ZSCAN5A: variants seen among roughly 807,000 people sequenced by gnomAD.
The protein encoded by ZSCAN5A is zinc finger and SCAN domain-containing protein 5A.
Under a neutral mutation model 23.7 loss-of-function variants are expected in ZSCAN5A, and 12 were observed. The ratio of observed to expected loss-of-function variants is 0.51; its 90% CI spans 0.32 to 0.82. ZSCAN5A has a LOEUF of 0.82. Ranked by LOEUF, ZSCAN5A falls within the 40% of genes least tolerant of loss-of-function variation. The pLI, the probability that ZSCAN5A is intolerant of heterozygous loss-of-function variation, is 0.03. For missense variants in ZSCAN5A, 597 were observed against 617.9 expected, an observed-to-expected ratio of 0.97 and a Z score of 0.36; for synonymous variants, 257 against 239.9, an observed-to-expected ratio of 1.07 and a Z score of -0.66.
At chr19:56,328,730 G>T (rs868683144) in intron 2 of ZSCAN5A, among the ~76,000 whole-genome samples, 92 of 143,036 alleles carry the variant, frequency 6.4e-4, no homozygotes, top group African/African-American at 2.2e-3. Context: ...GGCCAGGCGC[G>T]GTGGCTCATG....
At chr19:56,348,399 T>G (rs536610331) in intron 2 of ZSCAN5A, among the ~76,000 whole-genome samples, 27 of 152,268 alleles carry the variant, frequency 1.8e-4, no homozygotes, top group African/African-American at 6.3e-4. Context: ...GCCTCCAAGT[T>G]AACCCTAGGA....
At chr19:56,333,426 T>C (rs1322479290) in intron 2 of ZSCAN5A, among the ~76,000 whole-genome samples, 2 of 151,870 alleles carry the variant, frequency 1.3e-5, no homozygotes, top group Non-Finnish European at 2.9e-5. Flanking sequence ...TTCTGCTTGC[T>C]CCAGTCTATT....
intron 2 of ZSCAN5A, among the ~76,000 whole-genome samples, chr19:56,256,520 G>C (rs897728712): frequency 4.6e-5 from 7 of 152,140 alleles, no homozygotes; most frequent in Non-Finnish European, 1.0e-4. Flanking sequence ...TGTAGTGCAT[G>C]TCCTTACATT....
intron 2 of ZSCAN5A, among the ~76,000 whole-genome samples, chr19:56,328,801 A>T (rs1239698601): frequency 6.6e-6 from 1 of 150,936 alleles, no homozygotes; most frequent in South Asian, 2.1e-4. Flanking sequence ...GGAGATCGAG[A>T]CCACGGTGAA....
chr19:56,322,199 A>C, intron 2 of ZSCAN5A: 1 of 839,936 alleles, frequency 1.2e-6, no homozygotes, highest in Non-Finnish European at 2.1e-6. Flanking sequence ...TTCAACATAG[A>C]CCAGGCTCAT....
intron 2 of ZSCAN5A, chr19:56,297,574 G>A: frequency 1.0e-6 from 1 of 961,546 alleles, no homozygotes; most frequent in Non-Finnish European, 1.2e-6. Context: ...ATAAGACAGT[G>A]TGTCCCTTCT....
intron 2 of ZSCAN5A, among the ~76,000 whole-genome samples, chr19:56,239,891 T>C (rs7251734): frequency 0.051 from 7,715 of 152,158 alleles, 647 homozygotes; most frequent in African/African-American, 0.17. Context: ...GGGCCAGGTG[T>C]GGTGGCTCAC....
In ZSCAN5A at chr19:56,224,822, G is replaced by A. The variant is rs373202448; in HGVS notation, c.225C>T (p.Pro75=). The A allele has an allele frequency of 1.8e-3, 2,922 of 1,612,132 alleles. 58 individuals are homozygous for A. In the South Asian group the frequency reaches 0.03, roughly 17 times the overall value. ...GGATCTGCTCTTTGGTGTGGAGGTC[G>A]GGCCTCAGCCACAGATGGCACAGCT... ...LTELCHLWLR[P]DLHTKEQILD... Residue 75 remains proline (P), a synonymous_variant, in exon 3 of 6, where the codon CCC becomes CCT. Transcript: ENST00000683990.
chr19:56,273,213 A>T, intron 2 of ZSCAN5A, among the ~76,000 whole-genome samples: 1 of 152,224 alleles, frequency 6.6e-6, no homozygotes, highest in Non-Finnish European at 1.5e-5. Flanking sequence ...AACGGGGCTC[A>T]CAAGAATCCC....
At position 56,244,156 on chromosome 19, in the gene ZSCAN5A, G is replaced by T. The variant is rs547919691; in HGVS notation, c.-127-18983C>A. 1.6e-3 allele frequency: 2,503 copies of T among 1,606,722 alleles called. 7 individuals carry two copies. Among genetic ancestry groups the T allele is most frequent in the Non-Finnish European group, 2.0e-3 (2,323 of 1,173,374 alleles). On this transcript the variant is annotated intron_variant, in intron 2 of 5. Coordinates refer to ENST00000683990, the MANE Select transcript of ZSCAN5A (RefSeq NM_001322064.3). ...AAACTCAACTTGGAAATCATGACTG[G>T]GACCCTGAGACTTGTCACGTGAACT...
chr19:56,245,426 G>A (rs759110064), intron 2 of ZSCAN5A: 4 of 669,812 alleles, frequency 6.0e-6, no homozygotes, highest in Admixed American at 2.2e-5. Flanking sequence ...CAGAAGGCAG[G>A]TGAGTGTGTG....
intron 2 of ZSCAN5A, among the ~76,000 whole-genome samples, chr19:56,231,352 ATG>A (rs1187879112): frequency 6.7e-6 from 1 of 150,298 alleles, no homozygotes; most frequent in African/African-American, 2.5e-5. Flanking sequence ...AAAAATGTGT[ATG>A]TACCATTTTT....
chr19:56,300,813 T>A (rs1412862655), intron 2 of ZSCAN5A, among the ~76,000 whole-genome samples: 3 of 151,690 alleles, frequency 2.0e-5, no homozygotes, highest in Non-Finnish European at 2.9e-5. Flanking sequence ...AAAAAAAAAA[T>A]GAGATTTTCT....
chr19:56,285,441 T>C (rs531919702), intron 2 of ZSCAN5A, among the ~76,000 whole-genome samples: 19 of 152,234 alleles, frequency 1.2e-4, no homozygotes, highest in Admixed American at 1.2e-3. Flanking sequence ...AAGTACTATG[T>C]GTTTTAGTGA....
Position 56,355,090 on chromosome 19 carries a change from C to T in ZSCAN5A, c.-358+8145G>A, listed in dbSNP as rs374145545. ...TGTGACACTGATATTTGAAACCCAACGTGGTTTTTCTATTGAGGATAGTAA... is the reference window on the plus strand; with the variant it reads ...TGTGACACTGATATTTGAAACCCAATGTGGTTTTTCTATTGAGGATAGTAA... On this transcript the variant is annotated intron_variant, in intron 2 of 6. Transcript: ENST00000587340. 1.6e-4 allele frequency among the ~76,000 whole-genome samples: 20 copies of T among 124,646 alleles called. 2 individuals are homozygous for T. The highest frequency in any genetic ancestry group is 5.9e-4 in the East Asian group (3 of 5,054). The allele number at this position is 124,646 out of a possible 152,430, so 81.8% of individuals were successfully genotyped here.
In ZSCAN5A at chr19:56,352,581, T is replaced by A. The variant is rs1474049601; in HGVS notation, c.-358+10654A>T. On this transcript the variant is annotated intron_variant, in intron 2 of 6. Transcript: ENST00000587340. This position sits in a 1 kb window ranked among gnomAD's most constrained non-coding sequence, Gnocchi z 4.2. ...TTGCAACAGGGGAGAGAGACCCAAC[T>A]CTGAATATAGCAATGATAGTTGGTT... is the stretch of plus-strand genomic sequence containing the variant. Among the ~76,000 whole-genome samples, 1 of 152,226 alleles carries A rather than the reference T, an allele frequency of 6.6e-6. No individual in the cohort carries two copies. Among genetic ancestry groups the A allele is most frequent in the Admixed American group, 6.5e-5 (1 of 15,284 alleles).
At chr19:56,241,173 A>G (rs1018713000) in intron 2 of ZSCAN5A, among the ~76,000 whole-genome samples, 27 of 152,212 alleles carry the variant, frequency 1.8e-4, no homozygotes, top group African/African-American at 6.5e-4. Context: ...ACTAACCCGC[A>G]TACCTGCCTT....
chr19:56,245,359 G>A (rs766371238), intron 2 of ZSCAN5A: 21 of 749,674 alleles, frequency 2.8e-5, no homozygotes, highest in African/African-American at 1.0e-4. Flanking sequence ...AGATGCGTCC[G>A]GGGGAAGGCC....
At position 56,300,628 on chromosome 19, in the gene ZSCAN5A, A is replaced by C. The variant is rs1228942955; in HGVS notation, c.-128+12655T>G. 3.2e-4 allele frequency among the ~76,000 whole-genome samples: 48 copies of C among 152,248 alleles called. 2 individuals are homozygous for C. Among genetic ancestry groups the C allele is most frequent in the Non-Finnish European group, 4.4e-5 (3 of 68,036 alleles). On this transcript the variant is annotated intron_variant, in intron 2 of 5. Transcript: ENST00000683990. ...AAACGTTGAAGAGAGAGAGACTTGC[A>C]ATGGCAAAATTTTCTAAAGTAAATG...
Sources: gnomAD v4.1 joint callset for allele counts (sites outside exome capture counted in the v4.1 genomes callset) on GRCh38, gnomAD v4.1.1 for gene constraint, Gnocchi (gnomAD v3.1) non-coding constraint, MANE v1.5 for transcripts, NCBI Gene and HGNC (gene_info 2026-07-23, HGNC 2026-07-21) for gene names.